The following PHACTR1 variants were observed in gnomAD, a reference collection of about 807,000 sequenced individuals.
PHACTR1 encodes the protein phosphatase and actin regulator 1, also known as RPEL repeat containing 1.
PHACTR1 carries 16 observed loss-of-function variants against 69.2 expected under a neutral mutation model. The observed-to-expected ratio is 0.23, with a 90% CI of 0.16 to 0.35. The LOEUF (loss-of-function observed/expected upper bound fraction) is 0.35, where lower values mean the gene tolerates loss of function less well. Among genes scored for constraint, PHACTR1 ranks in the 10% least tolerant of loss-of-function variants. The pLI, the probability that PHACTR1 is intolerant of heterozygous loss-of-function variation, is 1.00. For missense variants in PHACTR1, 510 were observed against 734.7 expected, an observed-to-expected ratio of 0.69 and a Z score of 3.54; for synonymous variants, 312 against 284.5, an observed-to-expected ratio of 1.10 and a Z score of -0.97.
In PHACTR1 at chr6:12,864,685, GAA is replaced by G. The variant is rs11304795; in HGVS notation, c.250+114908_250+114909del. Among the ~76,000 whole-genome samples the G allele has an allele frequency of 9.2e-3, 1,304 of 141,484 alleles. 12 individuals are homozygous for G. The highest frequency in any genetic ancestry group is 0.02 in the African/African-American group (783 of 38,666). 92.8% of individuals were successfully genotyped at this position (141,484 alleles called of 152,430 possible). On this transcript the variant is annotated intron_variant, in intron 4 of 14. Coordinates refer to ENST00000332995, the MANE Select transcript of PHACTR1 (RefSeq NM_030948.6). ...ACAGAGTGAGACTCTGTCTCATAAA[GAA>G]AAAAAAAAAAAACAGAAGGAAATCA...
At chr6:13,264,256 A>G (rs991912650) in intron 10 of PHACTR1, among the ~76,000 whole-genome samples, 5 of 152,124 alleles carry the variant, frequency 3.3e-5, no homozygotes, top group African/African-American at 1.2e-4. Flanking sequence ...TCTTCCACTC[A>G]AAAATAATGC....
chr6:12,904,620 C>T (rs1357820370), intron 4 of PHACTR1, among the ~76,000 whole-genome samples: 1 of 152,050 alleles, frequency 6.6e-6, no homozygotes, highest in African/African-American at 2.4e-5. Context: ...AACATTAAAC[C>T]TTTCCACCTT....
intron 4 of PHACTR1, among the ~76,000 whole-genome samples, chr6:12,927,199 T>TCTACCGAGCCTGGTGATAGCTGGTTGTCC (rs1788363446): frequency 6.6e-6 from 1 of 152,166 alleles, no homozygotes; most frequent in East Asian, 1.9e-4. Flanking sequence ...GAAGGGAGCA[T>TCTACCGAGCCTGGTGATAGCTGGTTGTCC]CTATTTTTCT....
intron 5 of PHACTR1, among the ~76,000 whole-genome samples, chr6:13,086,592 C>T (rs958862762): frequency 1.3e-5 from 2 of 152,212 alleles, no homozygotes; most frequent in African/African-American, 2.4e-5. Flanking sequence ...TTATGTAGCA[C>T]GTAGCATTTT....
chr6:12,721,263 A>G (rs960481323), intron 3 of PHACTR1, among the ~76,000 whole-genome samples: 2 of 152,068 alleles, frequency 1.3e-5, no homozygotes, highest in Non-Finnish European at 2.9e-5. Context: ...GCATGCCTGT[A>G]ATCCCAGCTA....
At chr6:12,961,131 T>A (rs1411953779) in intron 4 of PHACTR1, among the ~76,000 whole-genome samples, 2 of 152,026 alleles carry the variant, frequency 1.3e-5, no homozygotes, top group Non-Finnish European at 2.9e-5. Flanking sequence ...ACTAACTGGA[T>A]AAAAAAATCT....
At chr6:12,828,927 A>G (rs1187227586) in intron 4 of PHACTR1, among the ~76,000 whole-genome samples, 1 of 152,202 alleles carries the variant, frequency 6.6e-6, no homozygotes, top group African/African-American at 2.4e-5. Flanking sequence ...ATAGCAAACA[A>G]TTTATTGTAT....
chr6:12,718,112 A>G (rs867216629), intron 2 of PHACTR1, among the ~76,000 whole-genome samples: 3 of 152,240 alleles, frequency 2.0e-5, no homozygotes, highest in Admixed American at 6.5e-5. Flanking sequence ...CTCAAAAATC[A>G]GCCCCTGCCA....
At chr6:13,227,709 C>T (rs1770019232) in intron 8 of PHACTR1, 107 bp from the exon 9 acceptor site, 2 of 1,401,018 alleles carry the variant, frequency 1.4e-6, no homozygotes, top group African/African-American at 1.4e-5. Context: ...GCCCAGTAGA[C>T]CCTTTGTCTC....
At chr6:13,260,326 G>A (rs140776744) in intron 10 of PHACTR1, among the ~76,000 whole-genome samples, 3 of 152,284 alleles carry the variant, frequency 2.0e-5, no homozygotes, top group Admixed American at 6.5e-5. Context: ...CCTAAACTGT[G>A]AATGTGCTAC....
chr6:13,246,389 C>T lies in PHACTR1; in HGVS notation c.1391+16196C>T, dbSNP rs1314836501. Among the ~76,000 whole-genome samples the T allele has an allele frequency of 4.0e-5, 6 of 151,004 alleles. No individual in the cohort carries two copies. Among genetic ancestry groups the T allele is most frequent in the Non-Finnish European group, 7.4e-5 (5 of 67,940 alleles). The stretch of plus-strand genomic sequence containing the variant: ...CAAAAGAACACTGAAATTAAATGTG[C>T]GAGCGAAAGATGTTTCCCTACCTGG... On this transcript the variant is annotated intron_variant, in intron 10 of 14. Coordinates refer to ENST00000332995, the MANE Select transcript of PHACTR1 (RefSeq NM_030948.6). This position sits in a 1 kb window ranked among gnomAD's most constrained non-coding sequence, Gnocchi z 4.2.
At chr6:12,953,522 C>T (rs2127556203) in intron 4 of PHACTR1, among the ~76,000 whole-genome samples, 1 of 152,280 alleles carries the variant, frequency 6.6e-6, no homozygotes, top group East Asian at 1.9e-4. Context: ...ACCCTGTGTA[C>T]TTTGGAGACA....
chr6:12,798,056 A>ACACACACACACACACG (rs1254926216), intron 4 of PHACTR1, among the ~76,000 whole-genome samples: 1 of 151,512 alleles, frequency 6.6e-6, no homozygotes, highest in African/African-American at 2.4e-5. Context: ...ACACACACAC[A>ACACACACACACACACG]CACACACACA....
At chr6:13,206,178 T>C in intron 8 of PHACTR1, 42 bp downstream of exon 8, 1 of 1,491,290 alleles carries the variant, frequency 6.7e-7, no homozygotes, top group Non-Finnish European at 9.0e-7. Flanking sequence ...GGAGAGGGGT[T>C]GGCTGGGGAG....
chr6:13,276,599 C>T (rs1676015993), intron 11 of PHACTR1, among the ~76,000 whole-genome samples: 1 of 152,020 alleles, frequency 6.6e-6, no homozygotes, highest in Non-Finnish European at 1.5e-5. Flanking sequence ...TGGTGAAACC[C>T]CATCTCTACT....
chr6:13,276,225 A>G (rs1562109900), intron 11 of PHACTR1: 2 of 152,110 alleles, frequency 1.3e-5, no homozygotes, highest in African/African-American at 4.8e-5. Context: ...AGGCTGGAGC[A>G]GGGACCTCTG....
chr6:12,798,454 G>C (rs758042016), intron 4 of PHACTR1, among the ~76,000 whole-genome samples: 11 of 152,094 alleles, frequency 7.2e-5, no homozygotes, highest in Non-Finnish European at 1.5e-4. Flanking sequence ...ACTCAAAAAG[G>C]TAGTGGATAT....
chr6:13,058,859 G>A (rs1161326728), intron 5 of PHACTR1, among the ~76,000 whole-genome samples: 2 of 152,258 alleles, frequency 1.3e-5, no homozygotes, highest in East Asian at 3.9e-4. Context: ...AGTGTCGTGC[G>A]GGTTGAGGCT....
chr6:13,136,199 A>G (rs1036579984), intron 5 of PHACTR1, among the ~76,000 whole-genome samples: 1 of 152,228 alleles, frequency 6.6e-6, no homozygotes, highest in African/African-American at 2.4e-5. Context: ...TAAAAAAAAA[A>G]AAGAAAATCT....
Sources: allele counts gnomAD v4.1 joint callset (sites outside exome capture counted in the v4.1 genomes callset), GRCh38; gene constraint gnomAD v4.1.1; non-coding constraint Gnocchi (gnomAD v3.1); transcripts MANE v1.5; gene names NCBI Gene and HGNC (gene_info 2026-07-23, HGNC 2026-07-21).